The following INPP4B variants were observed in gnomAD, a reference collection of about 807,000 sequenced individuals.
INPP4B encodes inositol polyphosphate 4-phosphatase type II.
In INPP4B, 55 loss-of-function variants were observed where a neutral mutation model predicts 122.5. The ratio of observed to expected loss-of-function variants is 0.45; its 90% CI spans 0.36 to 0.56. INPP4B has a LOEUF of 0.56. Among genes scored for constraint, INPP4B ranks in the 20% least tolerant of loss-of-function variants. INPP4B has a pLI of 0.00. For synonymous variants in INPP4B, 403 were observed against 388.7 expected, an observed-to-expected ratio of 1.04 and a Z score of -0.43; for missense variants, 1,000 against 1,097.7, an observed-to-expected ratio of 0.91 and a Z score of 1.26.
At chr4:142,271,161 T>C (rs1745633059) in intron 9 of INPP4B, among the ~76,000 whole-genome samples, 1 of 151,892 alleles carries the variant, frequency 6.6e-6, no homozygotes. Context: ...CAGGCTGGTG[T>C]CAAACTCCCA....
At chr4:142,208,076 CA>C (rs1216183157) in intron 14 of INPP4B, among the ~76,000 whole-genome samples, 1 of 151,760 alleles carries the variant, frequency 6.6e-6, no homozygotes, top group Non-Finnish European at 1.5e-5. Context: ...TTTCTCAAGA[CA>C]GGAAAAATAT....
chr4:142,690,013 G>A (rs1458881809), intron 2 of INPP4B, among the ~76,000 whole-genome samples: 1 of 152,120 alleles, frequency 6.6e-6, no homozygotes, highest in Non-Finnish European at 1.5e-5. Flanking sequence ...TCTTTTCCAT[G>A]ATGCACTGTC....
intron 7 of INPP4B, among the ~76,000 whole-genome samples, chr4:142,380,766 ATATAT>A (rs1306418153): frequency 6.6e-6 from 1 of 151,990 alleles, no homozygotes; most frequent in African/African-American, 2.4e-5. Flanking sequence ...GTCACATATA[ATATAT>A]ATCATGTAAA....
intron 1 of INPP4B, among the ~76,000 whole-genome samples, chr4:142,744,986 C>T (rs535969465): frequency 3.4e-5 from 5 of 147,462 alleles, no homozygotes; most frequent in South Asian, 2.3e-4. Flanking sequence ...GACAAGCTAA[C>T]GGAATTTTAC....
At chr4:142,509,535 T>C (rs1490000202) in intron 2 of INPP4B, among the ~76,000 whole-genome samples, 2 of 152,210 alleles carry the variant, frequency 1.3e-5, no homozygotes, top group African/African-American at 2.4e-5. Context: ...GCTTCATCCA[T>C]GTCCCTGCAA....
chr4:142,802,705 C>T (rs910795278), intron 1 of INPP4B, among the ~76,000 whole-genome samples: 20 of 151,958 alleles, frequency 1.3e-4, no homozygotes, highest in Admixed American at 1.2e-3. Flanking sequence ...TGTCAACTTA[C>T]TCAGCCTACT....
chr4:142,577,518 G>T (rs1483515514), intron 2 of INPP4B, among the ~76,000 whole-genome samples: 2 of 151,952 alleles, frequency 1.3e-5, no homozygotes, highest in Non-Finnish European at 2.9e-5. Flanking sequence ...AGAGAAAGAA[G>T]AAAATAATTC....
intron 24 of INPP4B, among the ~76,000 whole-genome samples, chr4:142,084,319 C>T (rs1775628336): frequency 6.6e-6 from 1 of 151,968 alleles, no homozygotes; most frequent in African/African-American, 2.4e-5. Flanking sequence ...GATGGAGTTT[C>T]ACTGTTGGCC....
chr4:142,790,760 A>T lies in INPP4B; in HGVS notation c.-254+55449T>A, dbSNP rs557240968. On this transcript the variant is annotated intron_variant, in intron 1 of 25. Coordinates refer to ENST00000262992, the MANE Select transcript of INPP4B (RefSeq NM_001101669.3). ...ATATCTATTTCTATATGATGCAGAA[A>T]AGAATGTTATTCTAAATTGAGGTCC... Among the ~76,000 whole-genome samples the T allele has an allele frequency of 2.0e-5, 3 of 152,178 alleles. No individual in the cohort carries two copies. In the South Asian group the frequency reaches 6.2e-4, roughly 32 times the overall value.
chr4:142,833,984 G>T (rs374190245), intron 1 of INPP4B, among the ~76,000 whole-genome samples: 2 of 152,146 alleles, frequency 1.3e-5, no homozygotes, highest in East Asian at 1.9e-4. Flanking sequence ...AGTGATTTTT[G>T]AATGTCCCAA....
chr4:142,441,280 GTA>G (rs1291828878), intron 3 of INPP4B, among the ~76,000 whole-genome samples: 1 of 152,102 alleles, frequency 6.6e-6, no homozygotes, highest in African/African-American at 2.4e-5. Context: ...CAAGATAGAA[GTA>G]TATGATTAGA....
intron 7 of INPP4B, among the ~76,000 whole-genome samples, chr4:142,316,786 CAATT>C (rs1273299875): frequency 3.3e-5 from 5 of 152,006 alleles, no homozygotes; most frequent in African/African-American, 1.2e-4. Context: ...AAATTTTTGA[CAATT>C]AATATTCTTT....
At chr4:142,320,164 A>G (rs1041955918) in intron 7 of INPP4B, among the ~76,000 whole-genome samples, 2 of 152,190 alleles carry the variant, frequency 1.3e-5, no homozygotes, top group Non-Finnish European at 2.9e-5. Context: ...CCTCCATTAA[A>G]TTCAGCAACA....
intron 18 of INPP4B, among the ~76,000 whole-genome samples, chr4:142,145,029 C>G (rs1026274324): frequency 5.3e-5 from 8 of 152,166 alleles, no homozygotes; most frequent in South Asian, 2.1e-4. Context: ...TCAACCCTAA[C>G]AGCAGTTCCT....
intron 1 of INPP4B, among the ~76,000 whole-genome samples, chr4:142,830,388 G>A (rs777873048): frequency 1.8e-4 from 28 of 152,212 alleles, no homozygotes; most frequent in Non-Finnish European, 4.0e-4. Context: ...AATTTCATTG[G>A]AGTTGTGGAG....
intron 7 of INPP4B, among the ~76,000 whole-genome samples, chr4:142,347,107 G>T (rs1780544149): frequency 1.3e-5 from 2 of 152,046 alleles, no homozygotes; most frequent in African/African-American, 4.8e-5. Flanking sequence ...TCTTTAAAAT[G>T]ATAAGAAAAA....
At chr4:142,650,548 A>C (rs1752715764) in intron 2 of INPP4B, among the ~76,000 whole-genome samples, 1 of 152,132 alleles carries the variant, frequency 6.6e-6, no homozygotes, top group African/African-American at 2.4e-5. Context: ...AAAGTAAAAA[A>C]AAAAAAGGCA....
At chr4:142,736,685 A>C (rs1766961687) in intron 1 of INPP4B, among the ~76,000 whole-genome samples, 1 of 152,168 alleles carries the variant, frequency 6.6e-6, no homozygotes, top group African/African-American at 2.4e-5. Flanking sequence ...TTATCAGCTT[A>C]AGGTGATTTT....
chr4:142,802,606 T>C (rs1393010701), intron 1 of INPP4B, among the ~76,000 whole-genome samples: 2 of 152,124 alleles, frequency 1.3e-5, no homozygotes, highest in South Asian at 4.1e-4. Flanking sequence ...TTTTTTGAAG[T>C]TAAAGCATCT....
Sources: allele counts gnomAD v4.1 joint callset (sites outside exome capture counted in the v4.1 genomes callset), GRCh38; gene constraint gnomAD v4.1.1; transcripts MANE v1.5; gene names NCBI Gene and HGNC (gene_info 2026-07-23, HGNC 2026-07-21).